The following WWC2 variants were observed in gnomAD, a reference collection of about 807,000 sequenced individuals.
The protein encoded by WWC2 is protein WWC2.
A neutral mutation model predicts 138.5 loss-of-function variants in WWC2; 101 were observed. The observed-to-expected ratio is 0.73, with a 90% confidence interval of 0.62 to 0.86. The LOEUF (loss-of-function observed/expected upper bound fraction) is 0.86, where lower values mean the gene tolerates loss of function less well. Ranked by LOEUF, WWC2 falls within the 40% of genes least tolerant of loss-of-function variation. WWC2 has a pLI of 0.00. For synonymous variants in WWC2, 558 were observed against 538.4 expected (o/e 1.04, Z -0.50); for missense variants, 1,420 against 1,419.4 (o/e 1.00, Z -0.01).
rs180706812 is a variant in WWC2, at chr4:183,238,276, C to T, written c.523-1907C>T. Among the ~76,000 whole-genome samples, 8 of 152,236 alleles carry T rather than the reference C, an allele frequency of 5.3e-5. No individual in the cohort carries two copies. The South Asian group carries it at 1.0e-3, about 20-fold the overall frequency. On this transcript the variant is annotated intron_variant, in intron 4 of 22. Coordinates refer to ENST00000403733, the MANE Select transcript of WWC2 (RefSeq NM_024949.6). ...GTCACATGCTTTCCCACACCCTCCA[C>T]GTTGAGTCCATCACCAAGTCCTGTT...
chr4:183,278,739 A>T (rs985819372), intron 16 of WWC2, among the ~76,000 whole-genome samples: 4 of 151,940 alleles, frequency 2.6e-5, no homozygotes, highest in African/African-American at 9.7e-5. Flanking sequence ...TGTTTGAAGC[A>T]ATTGTGAATG....
At chr4:183,188,349 T>A (rs1184510854) in intron 1 of WWC2, among the ~76,000 whole-genome samples, 4 of 152,008 alleles carry the variant, frequency 2.6e-5, no homozygotes, top group African/African-American at 9.7e-5. Flanking sequence ...AGAGTTTTCC[T>A]GCCTCAGCCT....
At chr4:183,134,010 C>T (rs1257182463) in intron 1 of WWC2, among the ~76,000 whole-genome samples, 1 of 151,956 alleles carries the variant, frequency 6.6e-6, no homozygotes, top group Admixed American at 6.6e-5. Context: ...TCTATTTCTT[C>T]TTGATTCTGT....
rs191997098 is a variant in WWC2 at position 183,140,724 on chromosome 4, G to A, written c.131+41102G>A. Among the ~76,000 whole-genome samples, 119 of 152,262 alleles carry A rather than the reference G, an allele frequency of 7.8e-4. 1 individual carries two copies. Among genetic ancestry groups the A allele is most frequent in the Admixed American group, 1.4e-3 (21 of 15,286 alleles). ...TTATTAATAAGACCTTGGAAGAACA[G>A]CATGGAAAAGGAAAAATTCATTTAC... On this transcript the variant is annotated intron_variant, in intron 1 of 22. Coordinates refer to ENST00000403733, the MANE Select transcript of WWC2 (RefSeq NM_024949.6).
intron 21 of WWC2, among the ~76,000 whole-genome samples, chr4:183,297,336 C>T (rs185566077): frequency 1.2e-3 from 189 of 151,876 alleles, no homozygotes; most frequent in Non-Finnish European, 1.8e-3. Context: ...AATTAGTTTG[C>T]ATACCAAGAT....
intron 1 of WWC2, among the ~76,000 whole-genome samples, chr4:183,146,929 G>A (rs957299351): frequency 9.2e-5 from 14 of 152,148 alleles, no homozygotes; most frequent in Non-Finnish European, 1.9e-4. Flanking sequence ...GATCTATTTT[G>A]TTTTTCAAGA....
chr4:183,192,699 G>A (rs1735022617), intron 1 of WWC2, among the ~76,000 whole-genome samples: 1 of 152,180 alleles, frequency 6.6e-6, no homozygotes, highest in Non-Finnish European at 1.5e-5. Context: ...AGGAGATTTT[G>A]TATGTAAGAA....
intron 1 of WWC2, among the ~76,000 whole-genome samples, chr4:183,150,462 C>A (rs192240369): frequency 3.4e-4 from 52 of 152,190 alleles, no homozygotes; most frequent in Non-Finnish European, 6.9e-4. Context: ...CAATTTTAAT[C>A]TCAAAATCAG....
chr4:183,111,784 C>G (rs574928540), intron 1 of WWC2, among the ~76,000 whole-genome samples: 41 of 151,516 alleles, frequency 2.7e-4, no homozygotes, highest in African/African-American at 9.2e-4. Flanking sequence ...GCCTCAATCT[C>G]CCTGGGCTCA....
intron 1 of WWC2, among the ~76,000 whole-genome samples, chr4:183,131,870 T>C (rs1732936333): frequency 6.6e-6 from 1 of 152,186 alleles, no homozygotes; most frequent in Admixed American, 6.5e-5. Flanking sequence ...ATGAGACCAA[T>C]TTCATTTTTT....
At chr4:183,302,098 A>G (rs139211237) in intron 21 of WWC2, among the ~76,000 whole-genome samples, 132 of 152,352 alleles carry the variant, frequency 8.7e-4, no homozygotes, top group African/African-American at 3.0e-3. Flanking sequence ...CAAATTTTCT[A>G]TTATAAACAA....
Position 183,315,777 on chromosome 4 carries a change from A to C in WWC2, c.*48A>C. ...TTTTCATCTGTTCACTTTCTTAGGG[A>C]GGGTAAAAGACTGAAGATTTGTGTT... On this transcript the variant is annotated 3_prime_UTR_variant, in exon 23 of 23. Transcript: ENST00000403733. The C allele has an allele frequency of 6.7e-7, 1 of 1,488,276 alleles. No individual in the cohort carries two copies. The highest frequency in any genetic ancestry group is 9.2e-7 in the Non-Finnish European group (1 of 1,082,866). The allele number at this position is 1,488,276 out of a possible 1,614,324, so 92.2% of individuals were successfully genotyped here.
intron 2 of WWC2, among the ~76,000 whole-genome samples, chr4:183,200,720 G>A (rs1199326472): frequency 2.6e-5 from 4 of 152,132 alleles, no homozygotes; most frequent in Admixed American, 1.3e-4. Context: ...TGCCACGTGG[G>A]CCTCTCCACA....
At chr4:183,305,931 C>T (rs1320849495) in intron 21 of WWC2, among the ~76,000 whole-genome samples, 1 of 152,042 alleles carries the variant, frequency 6.6e-6, no homozygotes, top group Non-Finnish European at 1.5e-5. Flanking sequence ...GTTACATACA[C>T]GTGTGTGTAT....
rs2111211124 is a variant in WWC2 at position 183,193,704 on chromosome 4, C to T, written c.237C>T (p.Ile79=). Residue 79 remains isoleucine (I), a synonymous_variant, in exon 2 of 23, where the codon ATC becomes ATT. Coordinates refer to ENST00000403733, the MANE Select transcript of WWC2 (RefSeq NM_024949.6). Reference sequence around the variant, plus strand: ...TTGGTGTCTACTACATCGATCACATCAACAGTAAGTTTTCCTTTTTGGTAA... The same window carrying T: ...TTGGTGTCTACTACATCGATCACATTAACAGTAAGTTTTCCTTTTTGGTAA... ...PQIGVYYIDH[I]NKTTQIEDPR... The T allele has an allele frequency of 6.2e-7, 1 of 1,611,878 alleles. No homozygotes were observed. Among genetic ancestry groups the T allele is most frequent in the Middle Eastern group, 1.7e-4 (1 of 6,046 alleles).
chr4:183,259,127 T>G (rs1737241989), intron 9 of WWC2, among the ~76,000 whole-genome samples: 1 of 152,188 alleles, frequency 6.6e-6, no homozygotes, highest in African/African-American at 2.4e-5. Flanking sequence ...TATTGTGGAC[T>G]AAAATTGTTT....
At chr4:183,184,223 G>A (rs1350787138) in intron 1 of WWC2, among the ~76,000 whole-genome samples, 2 of 152,058 alleles carry the variant, frequency 1.3e-5, no homozygotes, top group African/African-American at 4.8e-5. Flanking sequence ...TAGTGGAATC[G>A]TACCATATGT....
intron 4 of WWC2, among the ~76,000 whole-genome samples, chr4:183,230,938 T>C (rs935782571): frequency 6.6e-6 from 1 of 152,186 alleles, no homozygotes. Flanking sequence ...TAACCAAAAC[T>C]GATTCGAGAT....
intron 1 of WWC2, among the ~76,000 whole-genome samples, chr4:183,137,561 C>T (rs1008169667): frequency 6.6e-6 from 1 of 151,814 alleles, no homozygotes; most frequent in South Asian, 2.1e-4. Context: ...TGCAGTGGCA[C>T]GATCTTGGCT....
Sources: allele counts gnomAD v4.1 joint callset (sites outside exome capture counted in the v4.1 genomes callset), GRCh38; gene constraint gnomAD v4.1.1; transcripts MANE v1.5; gene names NCBI Gene and HGNC (gene_info 2026-07-23, HGNC 2026-07-21).